Variants in IL12RB1 observed in about 807,000 individuals in gnomAD.
The protein encoded by IL12RB1 is interleukin-12 receptor subunit beta-1.
A neutral mutation model predicts 94.4 loss-of-function variants in IL12RB1; 64 were observed. The ratio of observed to expected loss-of-function variants is 0.68; its 90% CI spans 0.55 to 0.83. The LOEUF (loss-of-function observed/expected upper bound fraction) is 0.83. Ranked by LOEUF, IL12RB1 falls within the 40% of genes least tolerant of loss-of-function variation. The pLI, the probability that IL12RB1 is intolerant of heterozygous loss-of-function variation, is 0.00. For synonymous variants in IL12RB1, 362 were observed against 355.5 expected (o/e 1.02, Z -0.21); for missense variants, 814 against 855.6 (o/e 0.95, Z 0.61).
At chr19:18,075,628 C>T in intron 7 of IL12RB1, 121 bp downstream of exon 7, 6 of 885,278 alleles carry the variant, frequency 6.8e-6, no homozygotes, top group Non-Finnish European at 1.1e-5. Flanking sequence ...AACCACTGGC[C>T]TCAAGTGATC....
At chr19:18,081,046 T>C (rs768999126) in intron 3 of IL12RB1, 45 bp from the exon 4 acceptor site, 31 of 1,557,774 alleles carry the variant, frequency 2.0e-5, no homozygotes, top group African/African-American at 2.7e-5. Flanking sequence ...GGGGTCCTAG[T>C]GGACCCCACA....
chr19:18,080,727 G>A, intron 4 of IL12RB1, 105 bp downstream of exon 4: 1 of 809,612 alleles, frequency 1.2e-6, no homozygotes, highest in Non-Finnish European at 2.2e-6. Context: ...ATGGCTAGTA[G>A]TATCAAGTCC....
At chr19:18,093,181 T>C (rs915071904) in intron 1 of IL12RB1, among the ~76,000 whole-genome samples, 3 of 151,906 alleles carry the variant, frequency 2.0e-5, no homozygotes, top group African/African-American at 7.3e-5. Flanking sequence ...GGCAGGTGCC[T>C]GTAATTCCAG....
At chr19:18,086,588 G>A (rs1326271138) in intron 1 of IL12RB1, among the ~76,000 whole-genome samples, 172 bp downstream of exon 1, 1 of 152,126 alleles carries the variant, frequency 6.6e-6, no homozygotes, top group African/African-American at 2.4e-5. Context: ...CCAGAGGAAA[G>A]ATGTCTAAGT....
At position 18,082,203 on chromosome 19, in the gene IL12RB1, G is replaced by A. The variant is rs2035963718; in HGVS notation, c.186C>T (p.Cys62=). The change falls in exon 3 of 17, where the codon TGC becomes TGT. Residue 62 remains cysteine (C), a synonymous_variant. Coordinates refer to ENST00000593993, the MANE Select transcript of IL12RB1 (RefSeq NM_005535.3). The part of the protein sequence containing the change: ...CYRISSDRYE[C]SWQYEGPTAG... ...CTGTGGGACCCTCATACTGCCAGGAGCACTCGTAACGATCACTGGATATCC... is the reference window on the plus strand; with the variant it reads ...CTGTGGGACCCTCATACTGCCAGGAACACTCGTAACGATCACTGGATATCC... The A allele has an allele frequency of 1.2e-6, 2 of 1,613,788 alleles. No homozygotes were observed. The highest frequency in any genetic ancestry group is 2.2e-5 in the South Asian group (2 of 91,062).
At chr19:18,081,990 C>T (rs532954965) in intron 3 of IL12RB1, among the ~76,000 whole-genome samples, 160 bp downstream of exon 3, 1 of 152,174 alleles carries the variant, frequency 6.6e-6, no homozygotes, top group Non-Finnish European at 1.5e-5. Flanking sequence ...CAACCCCCCA[C>T]CACAATCCTC....
chr19:18,066,798 G>T (rs1052330029), intron 11 of IL12RB1, 101 bp from the exon 12 acceptor site: 4 of 883,400 alleles, frequency 4.5e-6, no homozygotes, highest in Middle Eastern at 2.5e-4. Context: ...AGGCCGAGGT[G>T]GGTAAGTCAT....
Position 18,077,583 on chromosome 19 carries a change from G to T in IL12RB1, c.482C>A (p.Thr161Asn). 4 of 1,607,176 alleles carry T rather than the reference G, an allele frequency of 2.5e-6. No homozygotes were observed. The highest frequency in any genetic ancestry group is 3.4e-6 in the Non-Finnish European group (4 of 1,173,842). ...LAGQLRMEWE[T>N]PDNQVGAEVQ... ...CTCAGCACCAACCTGGTTATCCGGG[G>T]TCTCCCACTCCATACGCAGCTGCCC... The change falls in exon 5 of 17, where the codon ACC becomes AAC. Residue 161 changes from threonine (T) to asparagine (N), a missense_variant. Coordinates refer to ENST00000593993, the MANE Select transcript of IL12RB1 (RefSeq NM_005535.3).
At chr19:18,061,405 A>T (rs905563631) in intron 14 of IL12RB1, among the ~76,000 whole-genome samples, 2 of 152,156 alleles carry the variant, frequency 1.3e-5, no homozygotes, top group South Asian at 2.1e-4. Flanking sequence ...TAATTTTTGT[A>T]GTTTTGGTAG....
chr19:18,068,314 C>T, intron 11 of IL12RB1, 75 bp downstream of exon 11: 1 of 1,248,070 alleles, frequency 8.0e-7, no homozygotes, highest in Non-Finnish European at 1.1e-6. Flanking sequence ...GCGTGAGTCA[C>T]TGTGCCCAGC....
Position 18,086,871 on chromosome 19 carries a change from T to G in IL12RB1, c.-48A>C. 1.9e-6 allele frequency: 3 copies of G among 1,590,148 alleles called. 1 individual carries two copies. In the Admixed American group the frequency reaches 5.3e-5, roughly 28 times the overall value. On this transcript the variant is annotated 5_prime_UTR_variant, in exon 1 of 17. Coordinates refer to ENST00000593993, the MANE Select transcript of IL12RB1 (RefSeq NM_005535.3). ...GCCCCAGGGGAGCCTCTCTGCCACC[T>G]GCGAGGTTCAGCCACCCCGTCCCCA...
intron 12 of IL12RB1, among the ~76,000 whole-genome samples, chr19:18,064,638 A>G (rs1359531475): frequency 2.6e-5 from 4 of 151,660 alleles, no homozygotes; most frequent in Non-Finnish European, 4.4e-5. Flanking sequence ...ATAGCCAGCT[A>G]ATTTTTTGTA....
intron 2 of IL12RB1, chr19:18,083,088 T>C (rs944812351): frequency 2.4e-6 from 1 of 415,362 alleles, no homozygotes; most frequent in African/African-American, 2.1e-5. Flanking sequence ...GTCTCAAAAA[T>C]AAATAAATGA....
intron 1 of IL12RB1, among the ~76,000 whole-genome samples, chr19:18,094,951 T>C (rs2036820674): frequency 6.6e-6 from 1 of 152,076 alleles, no homozygotes; most frequent in Non-Finnish European, 1.5e-5. Flanking sequence ...CCAAGGTGGA[T>C]GGATCACTTA....
In IL12RB1 at chr19:18,097,779, C is replaced by G. The variant is rs1049497140; in HGVS notation, c.-230+976G>C. On this transcript the variant is annotated intron_variant, in intron 1 of 4. Transcript: ENST00000594176. ...GGGGCCGGGGGCGGGCCTGGCGGCG[C>G]GGACTCCCGGGCCATGGACGAGTCG... The G allele has an allele frequency of 6.6e-5, 80 of 1,215,312 alleles. No individual in the cohort carries two copies. In the African/African-American group the frequency reaches 1.1e-3, roughly 17 times the overall value. The allele number at this position is 1,215,312 out of a possible 1,614,324, so 75.3% of individuals were successfully genotyped here.
chr19:18,062,095 C>A, intron 14 of IL12RB1, 86 bp downstream of exon 14: 2 of 887,496 alleles, frequency 2.3e-6, no homozygotes, highest in East Asian at 2.5e-5. Context: ...AGCCAAGGAC[C>A]CAATCTGCGG....
intron 12 of IL12RB1, 75 bp from the exon 13 acceptor site, chr19:18,064,085 G>C (rs2034375731): frequency 2.1e-6 from 2 of 941,618 alleles, no homozygotes; most frequent in Non-Finnish European, 3.4e-6. Flanking sequence ...ACCACAGCCT[G>C]TGGGTGGGGT....
upstream of IL12RB1, among the ~76,000 whole-genome samples, chr19:18,089,738 G>A (rs75163378): frequency 5.5e-3 from 840 of 152,356 alleles, 12 homozygotes; most frequent in African/African-American, 0.019. Flanking sequence ...CTCTCCTGGG[G>A]ATGAGCATCT....
intron 16 of IL12RB1, 73 bp downstream of exon 16, chr19:18,059,821 G>A (rs748085048): frequency 2.0e-5 from 17 of 862,232 alleles, no homozygotes; most frequent in Admixed American, 1.0e-4. Context: ...TCCCAGGAGC[G>A]ATGGATGTCT....
Sources: allele counts gnomAD v4.1 joint callset (sites outside exome capture counted in the v4.1 genomes callset), GRCh38; gene constraint gnomAD v4.1.1; transcripts MANE v1.5; gene names NCBI Gene and HGNC (gene_info 2026-07-23, HGNC 2026-07-21).